Variants in FRMD5 observed in about 807,000 individuals in gnomAD.
FRMD5 encodes FERM domain containing 5, also known as FERM domain-containing protein 5.
A neutral mutation model predicts 69.0 loss-of-function variants in FRMD5; 20 were observed. The observed-to-expected ratio is 0.29, with a 90% CI of 0.20 to 0.42. The LOEUF (loss-of-function observed/expected upper bound fraction) is 0.42, where lower values mean the gene tolerates loss of function less well. Ranked by LOEUF, FRMD5 falls within the 10% of genes least tolerant of loss-of-function variation. FRMD5 has a pLI of 1.00. For missense variants in FRMD5, 595 were observed against 708.6 expected (o/e 0.84, Z 1.82); for synonymous variants, 271 against 260.1 (o/e 1.04, Z -0.40).
intron 11 of FRMD5, 152 bp from the exon 12 acceptor site, chr15:43,884,947 T>G (rs1489794693): frequency 3.2e-6 from 2 of 632,272 alleles, no homozygotes; most frequent in African/African-American, 3.6e-5. Flanking sequence ...AAAGGCTTGC[T>G]TGGTGGGGTA....
At chr15:44,038,034 A>C (rs1892001740) in intron 1 of FRMD5, among the ~76,000 whole-genome samples, 1 of 152,138 alleles carries the variant, frequency 6.6e-6, no homozygotes, top group South Asian at 2.1e-4. Flanking sequence ...TTTGATTTGC[A>C]TTTCTCTAAT....
intron 1 of FRMD5, among the ~76,000 whole-genome samples, chr15:44,188,122 C>A (rs1267608224): frequency 6.6e-6 from 1 of 151,978 alleles, no homozygotes; most frequent in Non-Finnish European, 1.5e-5. Flanking sequence ...AAGTTGTGAA[C>A]AAAATTTATT....
At chr15:44,151,098 CAAAACA>C (rs1223595785) in intron 1 of FRMD5, among the ~76,000 whole-genome samples, 1 of 61,106 alleles carries the variant, frequency 1.6e-5, no homozygotes, top group Non-Finnish European at 8.3e-5. Context: ...TCTCAAAAAA[CAAAACA>C]AAACAAAAAA....
chr15:43,889,596 G>T (rs1310204980), intron 8 of FRMD5, among the ~76,000 whole-genome samples: 1 of 152,172 alleles, frequency 6.6e-6, no homozygotes, highest in Non-Finnish European at 1.5e-5. Context: ...GAAGTGACAT[G>T]GTTACTGTAC....
At position 43,955,449 on chromosome 15, in the gene FRMD5, T is replaced by C. The variant is rs1195249549; in HGVS notation, c.103-31140A>G. 2.6e-5 allele frequency among the ~76,000 whole-genome samples: 4 copies of C among 152,344 alleles called. 1 individual carries two copies. Among genetic ancestry groups the C allele is most frequent in the South Asian group, 4.1e-4 (2 of 4,834 alleles). On this transcript the variant is annotated intron_variant, in intron 1 of 13. Transcript: ENST00000417257. ...CCAAAAATACTCAGCATTTGGCCAA[T>C]AAAAGAAAGCCAATGAAGGCCCAGT...
At chr15:44,182,324 C>CTTTT (rs71111843) in intron 1 of FRMD5, among the ~76,000 whole-genome samples, 1 of 85,650 alleles carries the variant, frequency 1.2e-5, no homozygotes, top group African/African-American at 4.5e-5. Context: ...CATTGCTTTT[C>CTTTT]TTTTTTTTTT....
At chr15:44,031,093 G>A (rs1891661808) in intron 1 of FRMD5, among the ~76,000 whole-genome samples, 1 of 152,124 alleles carries the variant, frequency 6.6e-6, no homozygotes, top group South Asian at 2.1e-4. Flanking sequence ...CCCTAGTGAG[G>A]AGTGCTTTGG....
chr15:43,924,231 G>A lies in FRMD5; in HGVS notation c.181C>T (p.Arg61Cys), dbSNP rs761096757. 5.0e-6 allele frequency: 8 copies of A among 1,613,948 alleles called. No homozygotes were observed. The highest frequency in any genetic ancestry group is 1.7e-5 in the Admixed American group (1 of 60,022). The change falls in exon 2 of 14, where the codon CGC becomes TGC. Residue 61 changes from arginine (R) to cysteine (C), a missense_variant. Physicochemically the swap from Arg to Cys is radical, Grantham distance 180. Transcript: ENST00000417257. ...CGCTGCTTATCTGGGTCTACAAAGC[G>A]GATACCAAAATAGTCTTTCTCAAGT... is the stretch of plus-strand genomic sequence containing the variant. ...NLLEKDYFGI[R>C]FVDPDKQRHW...
At position 43,899,335 on chromosome 15, in the gene FRMD5, C is replaced by T. The variant is rs540539523; in HGVS notation, c.639+2840G>A. Among the ~76,000 whole-genome samples the T allele has an allele frequency of 3.9e-4, 60 of 152,236 alleles. No homozygotes were observed. The South Asian group carries it at 7.1e-3, about 18-fold the overall frequency. On this transcript the variant is annotated intron_variant, in intron 7 of 13. Transcript: ENST00000417257. ...TGTGGGGTCTGCAATAGGGCCCTGA[C>T]ATGGCCCTGGGTGAGGAAGAGGCAC...
chr15:44,062,902 T>TA (rs1049803318), intron 1 of FRMD5, among the ~76,000 whole-genome samples: 26 of 152,060 alleles, frequency 1.7e-4, no homozygotes, highest in South Asian at 4.1e-4. Flanking sequence ...GTACCTTTGT[T>TA]AAAAAAAATC....
At chr15:43,915,488 C>T (rs1422320872) in intron 4 of FRMD5, among the ~76,000 whole-genome samples, 1 of 152,182 alleles carries the variant, frequency 6.6e-6, no homozygotes, top group African/African-American at 2.4e-5. Flanking sequence ...GTGTGTCAGA[C>T]ATTTTGCTTC....
chr15:43,970,732 C>T (rs1217668664), intron 1 of FRMD5, among the ~76,000 whole-genome samples: 2 of 152,244 alleles, frequency 1.3e-5, no homozygotes, highest in South Asian at 2.1e-4. Context: ...GGATTACAGG[C>T]GTGAGCCACC....
In FRMD5 at chr15:44,053,685, G is replaced by A. The variant is rs75928128; in HGVS notation, c.103-129376C>T. ...ATGGATGATGTCATTCATTAATAAA[G>A]AAAACACTGTAAGAGGACCAGGTTT... On this transcript the variant is annotated intron_variant, in intron 1 of 13. Transcript: ENST00000417257. Among the ~76,000 whole-genome samples, 347 of 152,220 alleles carry A rather than the reference G, an allele frequency of 2.3e-3. 7 individuals are homozygous for A. The East Asian group carries it at 0.058, about 26-fold the overall frequency.
intron 1 of FRMD5, among the ~76,000 whole-genome samples, chr15:44,114,883 A>G (rs879656154): frequency 2.0e-5 from 3 of 152,180 alleles, no homozygotes; most frequent in Non-Finnish European, 2.9e-5. Context: ...GTGGCCAACT[A>G]CTAGCTAACA....
chr15:44,074,427 G>A (rs1389539217), intron 1 of FRMD5, among the ~76,000 whole-genome samples: 1 of 151,916 alleles, frequency 6.6e-6, no homozygotes, highest in Non-Finnish European at 1.5e-5. Flanking sequence ...TTCAAAATAT[G>A]GAGGCCATGA....
chr15:44,125,639 T>G (rs148583803), intron 1 of FRMD5, among the ~76,000 whole-genome samples: 1 of 152,196 alleles, frequency 6.6e-6, no homozygotes, highest in Non-Finnish European at 1.5e-5. Context: ...CTACTGTGAT[T>G]TGACATTCAG....
At chr15:43,920,131 G>A (rs1053197009) in intron 2 of FRMD5, among the ~76,000 whole-genome samples, 1 of 152,256 alleles carries the variant, frequency 6.6e-6, no homozygotes, top group Non-Finnish European at 1.5e-5. Context: ...CTGCATGTAT[G>A]TGTGGCGGGG....
chr15:44,095,763 G>C (rs2076542749), intron 1 of FRMD5, among the ~76,000 whole-genome samples: 2 of 152,060 alleles, frequency 1.3e-5, no homozygotes, highest in African/African-American at 4.8e-5. Context: ...TAAGATAAAG[G>C]AACTGCTCCT....
chr15:43,978,613 G>A (rs1044717074), intron 1 of FRMD5, among the ~76,000 whole-genome samples: 6 of 152,090 alleles, frequency 3.9e-5, no homozygotes, highest in African/African-American at 9.7e-5. Flanking sequence ...GTGCAGTGGC[G>A]CAATATTGGC....
Sources: allele counts gnomAD v4.1 joint callset (sites outside exome capture counted in the v4.1 genomes callset), GRCh38; gene constraint gnomAD v4.1.1; transcripts MANE v1.5; gene names NCBI Gene and HGNC (gene_info 2026-07-23, HGNC 2026-07-21).